The following IQGAP1 variants were observed in gnomAD, a reference collection of about 807,000 sequenced individuals.
IQGAP1 encodes IQ motif containing GTPase activating protein 1, also known as ras GTPase-activating-like protein IQGAP1.
In IQGAP1, 66 loss-of-function variants were observed where a neutral mutation model predicts 215.6. The observed-to-expected ratio is 0.31, with a 90% CI of 0.25 to 0.38. IQGAP1 has a LOEUF of 0.38. Ranked by LOEUF, IQGAP1 falls within the 10% of genes least tolerant of loss-of-function variation. IQGAP1 has a pLI of 1.00. For missense variants in IQGAP1, 1,712 were observed against 1,997.1 expected (o/e 0.86, Z 2.72); for synonymous variants, 772 against 728.7 (o/e 1.06, Z -0.96).
At chr15:90,446,381 G>T (rs187859471) in intron 9 of IQGAP1, among the ~76,000 whole-genome samples, 348 of 152,272 alleles carry the variant, frequency 2.3e-3, no homozygotes, top group Non-Finnish European at 3.7e-3. Context: ...TCAGTATAGT[G>T]GGGAAGATAG....
chr15:90,488,446 G>GA (rs1042627413), intron 33 of IQGAP1, among the ~76,000 whole-genome samples: 23 of 151,604 alleles, frequency 1.5e-4, no homozygotes, highest in Non-Finnish European at 2.8e-4. Flanking sequence ...TTGAAACCAT[G>GA]AATGTGTAGG....
intron 13 of IQGAP1, among the ~76,000 whole-genome samples, chr15:90,453,707 T>G (rs1965640571): frequency 6.6e-6 from 1 of 152,204 alleles, no homozygotes; most frequent in South Asian, 2.1e-4. Flanking sequence ...GTCCCTTTCT[T>G]CATGAGACTG....
rs905664190 is a variant in IQGAP1 at position 90,498,180 on chromosome 15, A to G, written c.4860+840A>G. ...GCCCTTGCAGACATCCTCTGTTTACAGTAGGTGTTGACTTACTTCCCCTCT... is the reference window on the plus strand; with the variant it reads ...GCCCTTGCAGACATCCTCTGTTTACGGTAGGTGTTGACTTACTTCCCCTCT... On this transcript the variant is annotated intron_variant, in intron 37 of 37. Transcript: ENST00000268182. 6.6e-5 allele frequency among the ~76,000 whole-genome samples: 10 copies of G among 152,124 alleles called. No individual in the cohort carries two copies. The South Asian group carries it at 1.5e-3, about 22-fold the overall frequency.
intron 7 of IQGAP1, 123 bp downstream of exon 7, chr15:90,440,738 G>C: frequency 1.4e-5 from 9 of 628,532 alleles, no homozygotes; most frequent in South Asian, 2.0e-5. Context: ...CACAGATGTA[G>C]TTGTAAACAC....
Position 90,452,901 on chromosome 15 carries a change from A to C in IQGAP1, c.1289A>C (p.Gln430Pro). The change falls in exon 12 of 38, where the codon CAG becomes CCG. Residue 430 changes from glutamine (Q) to proline (P), a missense_variant. Transcript: ENST00000268182. ...TATCCATTTGCCGCCGATCTCTATC[A>C]GAAGGAGCTGGCTACCCTGCAGCGA... ...QVYPFAADLY[Q>P]KELATLQRQS... 1 of 1,614,104 alleles carries C rather than the reference A, an allele frequency of 6.2e-7. No individual in the cohort carries two copies. The highest frequency in any genetic ancestry group is 8.5e-7 in the Non-Finnish European group (1 of 1,179,996).
intron 2 of IQGAP1, among the ~76,000 whole-genome samples, chr15:90,407,254 G>A (rs1213393390): frequency 6.6e-6 from 1 of 152,180 alleles, no homozygotes; most frequent in Non-Finnish European, 1.5e-5. Flanking sequence ...TACCAATTAT[G>A]ATCTATGAAG....
intron 36 of IQGAP1, among the ~76,000 whole-genome samples, chr15:90,495,061 A>G (rs1205551687): frequency 6.6e-6 from 1 of 152,122 alleles, no homozygotes; most frequent in Non-Finnish European, 1.5e-5. Flanking sequence ...ATGTTCACTT[A>G]TTTGGGTCTG....
chr15:90,491,653 G>A (rs925976549), intron 34 of IQGAP1, 108 bp downstream of exon 34: 1 of 831,694 alleles, frequency 1.2e-6, no homozygotes, highest in Admixed American at 2.5e-5. Flanking sequence ...GGGCAAATTA[G>A]TGCCCTCCTC....
At chr15:90,458,242 C>T (rs1294288374) in intron 15 of IQGAP1, among the ~76,000 whole-genome samples, 2 of 152,118 alleles carry the variant, frequency 1.3e-5, no homozygotes, top group African/African-American at 4.8e-5. Context: ...TATGACTGTA[C>T]CACATTTTAT....
At chr15:90,442,301 C>A (rs755606546) in intron 8 of IQGAP1, among the ~76,000 whole-genome samples, 2 of 151,118 alleles carry the variant, frequency 1.3e-5, no homozygotes, top group East Asian at 2.0e-4. Context: ...TACTAAAAGT[C>A]AAAAATTAGC....
chr15:90,473,431 T>G, intron 19 of IQGAP1: 1 of 437,694 alleles, frequency 2.3e-6, no homozygotes, highest in Non-Finnish European at 4.2e-6. Flanking sequence ...TATCTTATCT[T>G]CCTCACCTGG....
Position 90,426,126 on chromosome 15 carries a change from C to G in IQGAP1, c.172C>G (p.Leu58Val). 6.2e-7 allele frequency: 1 copy of G among 1,605,402 alleles called. No homozygotes were observed. The highest frequency in any genetic ancestry group is 1.1e-5 in the South Asian group (1 of 90,262). Reference protein sequence around the residue: ...EEAKRWMEACLGEDLPPTTEL... With the variant: ...EEAKRWMEACVGEDLPPTTEL... ...TTGGTGCAGGTGGATGGAAGCATGC[C>G]TAGGGGAAGATCTGCCTCCCACCAC... The change falls in exon 3 of 38, where the codon CTA becomes GTA. Residue 58 changes from leucine (L) to valine (V), a missense_variant. Coordinates refer to ENST00000268182, the MANE Select transcript of IQGAP1 (RefSeq NM_003870.4).
intron 33 of IQGAP1, among the ~76,000 whole-genome samples, chr15:90,488,076 C>G (rs1966152539): frequency 6.6e-6 from 1 of 152,034 alleles, no homozygotes; most frequent in African/African-American, 2.4e-5. Context: ...AAAAAATTAG[C>G]CAGGCTAGGT....
chr15:90,446,050 G>C (rs1275421481), intron 9 of IQGAP1, among the ~76,000 whole-genome samples: 1 of 151,950 alleles, frequency 6.6e-6, no homozygotes, highest in Non-Finnish European at 1.5e-5. Flanking sequence ...AAGTGTGGAT[G>C]GTATCTTGTG....
chr15:90,442,062 G>C (rs1352174552), intron 8 of IQGAP1, among the ~76,000 whole-genome samples: 1 of 152,086 alleles, frequency 6.6e-6, no homozygotes, highest in Non-Finnish European at 1.5e-5. Context: ...TAAAATTCTA[G>C]AGCGTAGCCA....
At chr15:90,491,240 A>G in intron 33 of IQGAP1, 93 bp from the exon 34 acceptor site, 1 of 1,033,272 alleles carries the variant, frequency 9.7e-7, no homozygotes, top group African/African-American at 1.6e-5. Flanking sequence ...GGAGTTTAAG[A>G]ACTGTATAAG....
chr15:90,388,502 G>C (rs1419291882), intron 1 of IQGAP1, 106 bp downstream of exon 1: 6 of 1,026,506 alleles, frequency 5.8e-6, no homozygotes, highest in African/African-American at 5.1e-5. Context: ...GGCGGCTGCC[G>C]GCAGCTCGGA....
chr15:90,429,888 G>A (rs1965278410), intron 4 of IQGAP1: 1 of 349,460 alleles, frequency 2.9e-6, no homozygotes, highest in South Asian at 9.2e-5. Context: ...TCCCTGTGAT[G>A]ATATCTACTT....
intron 26 of IQGAP1, among the ~76,000 whole-genome samples, chr15:90,479,374 G>A (rs1966024141): frequency 6.6e-6 from 1 of 152,000 alleles, no homozygotes; most frequent in Non-Finnish European, 1.5e-5. Flanking sequence ...TACTTTCCAT[G>A]TACCCGGATG....
Sources: gnomAD v4.1 joint callset for allele counts (sites outside exome capture counted in the v4.1 genomes callset) on GRCh38, gnomAD v4.1.1 for gene constraint, MANE v1.5 for transcripts, NCBI Gene and HGNC (gene_info 2026-07-23, HGNC 2026-07-21) for gene names.